The following THSD7B variants were observed in gnomAD, a reference collection of about 807,000 sequenced individuals.
The protein encoded by THSD7B is thrombospondin type 1 domain containing 7B.
THSD7B carries 138 observed loss-of-function variants against 213.6 expected under a neutral mutation model. The ratio of observed to expected loss-of-function variants is 0.65; its 90% CI spans 0.56 to 0.74. The LOEUF is 0.74. Ranked by LOEUF, THSD7B falls within the 30% of genes least tolerant of loss-of-function variation. THSD7B has a pLI of 0.00. For synonymous variants in THSD7B, 742 were observed against 687.0 expected, an observed-to-expected ratio of 1.08 and a Z score of -1.25; for missense variants, 1,931 against 1,991.5, an observed-to-expected ratio of 0.97 and a Z score of 0.58.
At chr2:137,218,151 A>G (rs1211338489) in intron 7 of THSD7B, among the ~76,000 whole-genome samples, 2 of 152,284 alleles carry the variant, frequency 1.3e-5, no homozygotes, top group South Asian at 4.1e-4. Context: ...TAGACATCCA[A>G]TAAAATAATC....
At chr2:137,283,600 T>G (rs998642518) in intron 12 of THSD7B, among the ~76,000 whole-genome samples, 4 of 152,236 alleles carry the variant, frequency 2.6e-5, no homozygotes, top group Non-Finnish European at 5.9e-5. Flanking sequence ...TGAGAGTTTT[T>G]AGCATGAAGC....
At chr2:136,968,141 C>T (rs1320933319) in intron 2 of THSD7B, among the ~76,000 whole-genome samples, 1 of 152,124 alleles carries the variant, frequency 6.6e-6, no homozygotes, top group Non-Finnish European at 1.5e-5. Context: ...TTAGAATGCA[C>T]TGACTGGGCA....
At chr2:137,102,781 G>C (rs1482485835) in intron 4 of THSD7B, among the ~76,000 whole-genome samples, 1 of 152,108 alleles carries the variant, frequency 6.6e-6, no homozygotes, top group East Asian at 1.9e-4. Flanking sequence ...GGGAAGAAAG[G>C]ATATCAGAGA....
At chr2:136,852,798 T>A (rs993151656) in intron 1 of THSD7B, among the ~76,000 whole-genome samples, 2 of 152,184 alleles carry the variant, frequency 1.3e-5, no homozygotes. Flanking sequence ...TAATTTTATT[T>A]TTGGTGATTT....
At position 137,663,520 on chromosome 2, in the gene THSD7B, G is replaced by A; in HGVS notation, c.4596G>A (p.Val1532=). 6.2e-7 allele frequency: 1 copy of A among 1,608,518 alleles called. No individual in the cohort carries two copies. Among genetic ancestry groups the A allele is most frequent in the South Asian group, 1.1e-5 (1 of 89,736 alleles). ...ACCTTTCTGGGAAAAACAGACCTGT[G>A]AATTCAAAAATACATGATATTTTTA... ...VKNLSGKNRP[V]NSKIHDIFKG... is the part of the protein sequence containing the mutation. Residue 1532 remains valine (V), a synonymous_variant, in exon 26 of 28, where the codon GTG becomes GTA. Transcript: ENST00000409968.
rs546724587 is a variant in THSD7B, at chr2:136,844,067, A to G, written c.-35-38077A>G. Among the ~76,000 whole-genome samples the G allele has an allele frequency of 6.6e-5, 10 of 152,176 alleles. No homozygotes were observed. The East Asian group carries it at 1.2e-3, about 18-fold the overall frequency. On this transcript the variant is annotated intron_variant, in intron 1 of 27. Transcript: ENST00000409968. The stretch of plus-strand genomic sequence containing the variant: ...TGTTCTTCCAACCCCCTTTAGGCAG[A>G]GCTTTGTGATTTTGATCTTTTTCAG...
chr2:137,495,124 T>C (rs1446951432), intron 15 of THSD7B, among the ~76,000 whole-genome samples: 1 of 152,232 alleles, frequency 6.6e-6, no homozygotes, highest in Non-Finnish European at 1.5e-5. Flanking sequence ...AAGTATTGTG[T>C]ATTCAAAATG....
intron 14 of THSD7B, among the ~76,000 whole-genome samples, chr2:137,414,945 A>C (rs1286620852): frequency 6.6e-6 from 1 of 151,036 alleles, no homozygotes; most frequent in African/African-American, 2.4e-5. Context: ...AATCCCAGCT[A>C]CTTGGGAGGC....
At chr2:137,072,188 T>C (rs1281174020) in intron 3 of THSD7B, among the ~76,000 whole-genome samples, 1 of 152,186 alleles carries the variant, frequency 6.6e-6, no homozygotes, top group Non-Finnish European at 1.5e-5. Context: ...ATCTATAAAT[T>C]ACCTTGGGCA....
intron 7 of THSD7B, among the ~76,000 whole-genome samples, chr2:137,195,280 G>A (rs554914247): frequency 5.2e-4 from 79 of 151,536 alleles, no homozygotes; most frequent in African/African-American, 1.9e-3. Context: ...TTCTATATTT[G>A]TGTATAGACA....
intron 1 of THSD7B, among the ~76,000 whole-genome samples, chr2:136,844,384 T>C (rs539406670): frequency 6.6e-6 from 1 of 152,010 alleles, no homozygotes; most frequent in East Asian, 1.9e-4. Flanking sequence ...GTCCTGCATA[T>C]TGGATGCTGC....
intron 10 of THSD7B, among the ~76,000 whole-genome samples, chr2:137,249,703 C>A (rs1030233945): frequency 6.6e-6 from 1 of 152,166 alleles, no homozygotes; most frequent in African/African-American, 2.4e-5. Context: ...TCCGAGGTTA[C>A]CCAGTATGTT....
chr2:137,663,709 G>A, intron 26 of THSD7B, 134 bp downstream of exon 26: 1 of 786,036 alleles, frequency 1.3e-6, no homozygotes, highest in Non-Finnish European at 2.0e-6. Context: ...GCATAATTCA[G>A]GGTTTCTCAG....
At chr2:137,066,388 T>A (rs547196080) in intron 3 of THSD7B, among the ~76,000 whole-genome samples, 1 of 152,136 alleles carries the variant, frequency 6.6e-6, no homozygotes, top group Non-Finnish European at 1.5e-5. Flanking sequence ...GAGACGGGGT[T>A]TCACCATGTT....
chr2:136,811,308 A>G (rs1171145674), intron 1 of THSD7B, among the ~76,000 whole-genome samples: 2 of 151,740 alleles, frequency 1.3e-5, no homozygotes, highest in African/African-American at 4.8e-5. Flanking sequence ...CATTTTTCTC[A>G]TTTTTCAACC....
chr2:137,055,754 A>T (rs1190050305), intron 2 of THSD7B, among the ~76,000 whole-genome samples: 2 of 152,246 alleles, frequency 1.3e-5, no homozygotes, highest in African/African-American at 4.8e-5. Flanking sequence ...CAGACAATTC[A>T]GTGCTGCTGC....
At chr2:137,304,018 C>T (rs565779177) in intron 12 of THSD7B, among the ~76,000 whole-genome samples, 2 of 151,478 alleles carry the variant, frequency 1.3e-5, no homozygotes, top group Admixed American at 6.6e-5. Flanking sequence ...CATGTGTTCT[C>T]ATTGCTCAAC....
At chr2:136,853,638 A>G (rs1259232317) in intron 1 of THSD7B, among the ~76,000 whole-genome samples, 1 of 152,186 alleles carries the variant, frequency 6.6e-6, no homozygotes, top group Non-Finnish European at 1.5e-5. Flanking sequence ...GTGGGGAGAT[A>G]CTGCCGTATT....
intron 7 of THSD7B, among the ~76,000 whole-genome samples, chr2:137,196,418 G>T (rs944810383): frequency 1.7e-5 from 2 of 115,810 alleles, no homozygotes; most frequent in East Asian, 2.8e-4. Context: ...CTGCCGTTTC[G>T]CAGCTAATCC....
Sources: allele counts gnomAD v4.1 joint callset (sites outside exome capture counted in the v4.1 genomes callset), GRCh38; gene constraint gnomAD v4.1.1; transcripts MANE v1.5; gene names NCBI Gene and HGNC (gene_info 2026-07-23, HGNC 2026-07-21).